The following DYM variants were observed in gnomAD, a reference collection of about 807,000 sequenced individuals.
DYM encodes the protein dyggve-Melchior-Clausen syndrome protein.
A neutral mutation model predicts 93.1 loss-of-function variants in DYM; 78 were observed. The ratio of observed to expected loss-of-function variants is 0.84; its 90% confidence interval spans 0.70 to 1.01. DYM has a LOEUF of 1.01. DYM is among the 50% of genes least tolerant of loss of function. DYM has a pLI of 0.00. For missense variants in DYM, 789 were observed against 845.0 expected (o/e 0.93, Z 0.82); for synonymous variants, 321 against 319.7 (o/e 1.00, Z -0.04).
intron 16 of DYM, chr18:49,114,595 C>T (rs1013882396): frequency 7.1e-6 from 7 of 984,894 alleles, no homozygotes; most frequent in Admixed American, 6.2e-5. Context: ...AGTTTAAATT[C>T]TTTGCATGGT....
At chr18:49,399,358 C>T (rs1160618307) in intron 2 of DYM, among the ~76,000 whole-genome samples, 2 of 152,088 alleles carry the variant, frequency 1.3e-5, no homozygotes, top group African/African-American at 4.8e-5. Context: ...CTGGCATGCC[C>T]TGGGAAGGGG....
chr18:49,316,977 C>T (rs1485904175), intron 8 of DYM, among the ~76,000 whole-genome samples: 3 of 152,192 alleles, frequency 2.0e-5, no homozygotes, highest in Non-Finnish European at 4.4e-5. Flanking sequence ...ATCTTGGTTG[C>T]TTCCAATTTG....
At position 49,097,450 on chromosome 18, in the gene DYM, C is replaced by T. The variant is rs201023000; in HGVS notation, c.1977G>A (p.Leu659=). The T allele has an allele frequency of 3.3e-5, 53 of 1,614,048 alleles. No individual in the cohort carries two copies. The highest frequency in any genetic ancestry group is 1.2e-4 in the Admixed American group (7 of 60,012). The change falls in exon 17 of 18, where the codon CTG becomes CTA. Residue 659 remains leucine (L), a synonymous_variant. Transcript: ENST00000675505. The part of the protein sequence containing the change: ...AGAELSVERV[L]EIIKQGVVAL... ...CAACGACGCCTTGCTTAATGATTTC[C>T]AGGACCCGTTCCACTGACAGCTCAG...
intron 2 of DYM, among the ~76,000 whole-genome samples, chr18:49,399,821 T>C (rs1356474000): frequency 6.6e-6 from 1 of 151,994 alleles, no homozygotes; most frequent in Non-Finnish European, 1.5e-5. Context: ...CAGAATTATT[T>C]CCCCTGGCTC....
chr18:49,333,494 G>A (rs764590206), intron 7 of DYM, among the ~76,000 whole-genome samples: 5 of 152,296 alleles, frequency 3.3e-5, no homozygotes, highest in South Asian at 4.2e-4. Flanking sequence ...TCAATTCTAC[G>A]AAGCAACCAC....
chr18:49,233,986 G>A (rs555716930), intron 13 of DYM, among the ~76,000 whole-genome samples: 4 of 152,070 alleles, frequency 2.6e-5, no homozygotes, highest in South Asian at 2.1e-4. Flanking sequence ...AAAATTAGCC[G>A]GGCATGGTAG....
At chr18:49,189,134 C>T (rs549695251) in intron 14 of DYM, among the ~76,000 whole-genome samples, 1 of 152,208 alleles carries the variant, frequency 6.6e-6, no homozygotes, top group Admixed American at 6.5e-5. Flanking sequence ...ATGGGAATAA[C>T]AGAAACTGAG....
Position 49,430,375 on chromosome 18 carries a change from C to G in DYM, c.20G>C (p.Arg7Thr), listed in dbSNP as rs1472538742. ...CTCATTTTTAGGAAGATCGCCGATT[C>G]TGCTGCTATTCGATCCCATCTTCTA... MGSNSS[R>T]IGDLPKNEYL... The change falls in exon 2 of 18, where the codon AGA becomes ACA. Residue 7 changes from arginine to threonine, a missense_variant. Arg to Thr is a moderately conservative substitution (Grantham distance 71). Around this residue, in one of 3 missense-constraint regions of DYM, gnomAD observed 450 missense variants for 436.2 expected, o/e 1.03. Coordinates refer to ENST00000675505, the MANE Select transcript of DYM (RefSeq NM_001353214.3). The G allele has an allele frequency of 1.9e-6, 3 of 1,613,748 alleles. No homozygotes were observed. Among genetic ancestry groups the G allele is most frequent in the Non-Finnish European group, 2.5e-6 (3 of 1,180,006 alleles).
At chr18:49,441,003 AT>A (rs2081395452) in intron 1 of DYM, among the ~76,000 whole-genome samples, 1 of 2,540 alleles carries the variant, frequency 3.9e-4, no homozygotes, top group African/African-American at 1.1e-3. Flanking sequence ...TAATATATTT[AT>A]ATATTATATA....
intron 8 of DYM, among the ~76,000 whole-genome samples, chr18:49,287,717 C>T: frequency 6.6e-6 from 1 of 150,514 alleles, no homozygotes; most frequent in South Asian, 2.1e-4. Context: ...TGGTGGCGGG[C>T]ACCTGTAATC....
intron 8 of DYM, among the ~76,000 whole-genome samples, chr18:49,312,674 T>G (rs2061672639): frequency 6.6e-6 from 1 of 152,116 alleles, no homozygotes; most frequent in East Asian, 1.9e-4. Context: ...GTACGAGAAC[T>G]TGGGAACCGC....
chr18:49,290,237 T>C (rs2060024963), intron 8 of DYM, among the ~76,000 whole-genome samples: 1 of 151,820 alleles, frequency 6.6e-6, no homozygotes, highest in South Asian at 2.1e-4. Context: ...TGGAATACAA[T>C]ATAAGGATGT....
At chr18:49,150,091 G>A (rs1010210709) in intron 15 of DYM, among the ~76,000 whole-genome samples, 6 of 152,090 alleles carry the variant, frequency 3.9e-5, no homozygotes, top group African/African-American at 7.2e-5. Context: ...AACTTATAGC[G>A]CATTCATAAT....
intron 10 of DYM, among the ~76,000 whole-genome samples, chr18:49,277,997 T>C (rs35083652): frequency 2.9e-4 from 44 of 152,280 alleles, no homozygotes; most frequent in Non-Finnish European, 4.7e-4. Context: ...TAGGAACAGA[T>C]GTTAGATCAC....
chr18:49,377,903 G>GTTAAC (rs1421379378), intron 5 of DYM, among the ~76,000 whole-genome samples: 1 of 152,178 alleles, frequency 6.6e-6, no homozygotes, highest in Non-Finnish European at 1.5e-5. Context: ...GTTAACATAT[G>GTTAAC]ACCTTGAATC....
At chr18:49,294,273 T>C (rs1398186393) in intron 8 of DYM, among the ~76,000 whole-genome samples, 1 of 152,230 alleles carries the variant, frequency 6.6e-6, no homozygotes, top group Non-Finnish European at 1.5e-5. Flanking sequence ...TTGTTCTTTT[T>C]GCTCAGGATT....
At chr18:49,381,382 T>C (rs1231041338) in intron 3 of DYM, among the ~76,000 whole-genome samples, 1 of 152,216 alleles carries the variant, frequency 6.6e-6, no homozygotes, top group Non-Finnish European at 1.5e-5. Context: ...CACTCCCTGC[T>C]GCATATATAT....
intron 13 of DYM, among the ~76,000 whole-genome samples, chr18:49,221,457 G>GTT (rs2093354022): frequency 6.6e-6 from 1 of 152,004 alleles, no homozygotes; most frequent in Admixed American, 6.6e-5. Flanking sequence ...ACATGCACAC[G>GTT]TATGTTTATT....
At chr18:49,277,180 G>A (rs559187296) in intron 10 of DYM, among the ~76,000 whole-genome samples, 1 of 152,234 alleles carries the variant, frequency 6.6e-6, no homozygotes, top group Admixed American at 6.5e-5. Context: ...CTGGATACAT[G>A]GATATGAGAT....
Sources: gnomAD v4.1 joint callset for allele counts (sites outside exome capture counted in the v4.1 genomes callset) on GRCh38, gnomAD v4.1.1 for gene constraint, gnomAD v4.1.1 regional missense constraint, MANE v1.5 for transcripts, NCBI Gene and HGNC (gene_info 2026-07-23, HGNC 2026-07-21) for gene names.